The following ENOX1 variants were observed in gnomAD, a reference collection of about 807,000 sequenced individuals.
The protein encoded by ENOX1 is ecto-NOX disulfide-thiol exchanger 1.
Under a neutral mutation model 82.5 loss-of-function variants are expected in ENOX1, and 42 were observed. The observed-to-expected ratio is 0.51, with a 90% CI of 0.40 to 0.66. The LOEUF (loss-of-function observed/expected upper bound fraction) is 0.66, where lower values mean the gene tolerates loss of function less well. ENOX1 is among the 30% of genes least tolerant of loss of function. The pLI, the probability that ENOX1 is intolerant of heterozygous loss-of-function variation, is 0.00. For synonymous variants in ENOX1, 271 were observed against 282.2 expected (o/e 0.96, Z 0.40); for missense variants, 608 against 811.6 (o/e 0.75, Z 3.05).
chr13:43,415,336 G>A (rs914825003), intron 3 of ENOX1, among the ~76,000 whole-genome samples: 8 of 149,452 alleles, frequency 5.4e-5, no homozygotes, highest in Non-Finnish European at 1.2e-4. Context: ...TGGAGAGAAG[G>A]TCAGCAGATA....
Position 43,282,299 on chromosome 13 carries a change from T to C in ENOX1, c.1447-12722A>G, listed in dbSNP as rs923874313. On this transcript the variant is annotated intron_variant, in intron 12 of 16. Coordinates refer to ENST00000690772, the MANE Select transcript of ENOX1 (RefSeq NM_001347969.2). ...TAAAGGAATTATAAATCTTTGTTTA[T>C]AACTGAGCCTGGCCTATAATTTTTT... Among the ~76,000 whole-genome samples, 2 of 152,172 alleles carry C rather than the reference T, an allele frequency of 1.3e-5. 1 individual carries two copies. Among genetic ancestry groups the C allele is most frequent in the Non-Finnish European group, 2.9e-5 (2 of 68,014 alleles).
At chr13:43,567,095 T>C (rs189636142) in intron 2 of ENOX1, among the ~76,000 whole-genome samples, 307 of 152,278 alleles carry the variant, frequency 2.0e-3, no homozygotes, top group African/African-American at 7.1e-3. Flanking sequence ...AATTACTGAT[T>C]GGTCTCTCCA....
At chr13:43,370,263 A>G (rs879291059) in intron 5 of ENOX1, among the ~76,000 whole-genome samples, 5 of 151,966 alleles carry the variant, frequency 3.3e-5, no homozygotes, top group East Asian at 1.9e-4. Flanking sequence ...GCTACTCGGG[A>G]GGCTGAGGCA....
intron 11 of ENOX1, among the ~76,000 whole-genome samples, chr13:43,318,483 C>A (rs536128490): frequency 1.6e-4 from 25 of 152,314 alleles, no homozygotes; most frequent in Middle Eastern, 3.4e-3. Context: ...GGTTAAAGCT[C>A]TCTGGGCCAT....
chr13:43,685,483 T>G (rs78549285), intron 1 of ENOX1, among the ~76,000 whole-genome samples: 1 of 152,084 alleles, frequency 6.6e-6, no homozygotes, highest in Admixed American at 6.6e-5. Context: ...AAGTAGGTCC[T>G]CCAGCCTCTG....
chr13:43,530,488 A>T (rs2078164167), intron 2 of ENOX1, among the ~76,000 whole-genome samples: 1 of 152,134 alleles, frequency 6.6e-6, no homozygotes, highest in Non-Finnish European at 1.5e-5. Context: ...GGTTTAGCAG[A>T]ATGCCAACAA....
At chr13:43,310,502 G>A (rs1159412474) in intron 11 of ENOX1, among the ~76,000 whole-genome samples, 2 of 152,138 alleles carry the variant, frequency 1.3e-5, no homozygotes, top group Admixed American at 6.5e-5. Flanking sequence ...CAGCTGTCTT[G>A]TTACTAGCTT....
At chr13:43,426,610 A>G (rs965003477) in intron 3 of ENOX1, among the ~76,000 whole-genome samples, 13 of 152,222 alleles carry the variant, frequency 8.5e-5, no homozygotes, top group African/African-American at 2.4e-4. Flanking sequence ...AAAAATAACA[A>G]CTTAAGAAAA....
intron 2 of ENOX1, among the ~76,000 whole-genome samples, chr13:43,538,180 A>G (rs2078550133): frequency 6.6e-6 from 1 of 152,234 alleles, no homozygotes; most frequent in Admixed American, 6.5e-5. Context: ...GGTAATGCCT[A>G]ACTTAACATC....
intron 3 of ENOX1, among the ~76,000 whole-genome samples, chr13:43,471,344 G>A (rs1349665159): frequency 6.6e-6 from 1 of 152,042 alleles, no homozygotes; most frequent in Non-Finnish European, 1.5e-5. Flanking sequence ...GGGTGCAACA[G>A]GCAGATACAT....
chr13:43,467,044 G>A (rs749819788), intron 3 of ENOX1, among the ~76,000 whole-genome samples: 3 of 152,104 alleles, frequency 2.0e-5, no homozygotes, highest in Non-Finnish European at 2.9e-5. Flanking sequence ...GGCTATTTGG[G>A]TTGTCTATTA....
At chr13:43,301,617 C>T (rs545943144) in intron 11 of ENOX1, among the ~76,000 whole-genome samples, 5 of 151,316 alleles carry the variant, frequency 3.3e-5, no homozygotes, top group Non-Finnish European at 7.4e-5. Flanking sequence ...ATAGCAAATT[C>T]CATCAACATT....
At chr13:43,681,007 G>A (rs965181992) in intron 1 of ENOX1, among the ~76,000 whole-genome samples, 1 of 152,058 alleles carries the variant, frequency 6.6e-6, no homozygotes, top group Non-Finnish European at 1.5e-5. Flanking sequence ...CAAACAGGAG[G>A]TGCATTTCTG....
chr13:43,321,504 T>C (rs2047807424), intron 11 of ENOX1, among the ~76,000 whole-genome samples: 1 of 152,242 alleles, frequency 6.6e-6, no homozygotes, highest in South Asian at 2.1e-4. Context: ...CTGATCCTTT[T>C]AGAATCTTGA....
At chr13:43,763,368 C>T (rs1331279173) in intron 1 of ENOX1, among the ~76,000 whole-genome samples, 4 of 152,134 alleles carry the variant, frequency 2.6e-5, no homozygotes, top group Non-Finnish European at 5.9e-5. Flanking sequence ...CAAGGGAGTG[C>T]TCCTGGCTCT....
chr13:43,688,323 C>T (rs77550665), intron 1 of ENOX1, among the ~76,000 whole-genome samples: 7,597 of 152,164 alleles, frequency 0.05, 182 homozygotes, highest in African/African-American at 0.066. Flanking sequence ...GATGCTATTT[C>T]AGTAGTCCAG....
intron 2 of ENOX1, among the ~76,000 whole-genome samples, chr13:43,511,572 T>C (rs750425698): frequency 7.2e-5 from 11 of 152,172 alleles, no homozygotes; most frequent in Non-Finnish European, 1.2e-4. Context: ...TTCTGTGCTA[T>C]GAGCAAGATC....
intron 14 of ENOX1, among the ~76,000 whole-genome samples, chr13:43,248,330 A>G (rs531003442): frequency 1.3e-5 from 2 of 152,104 alleles, no homozygotes; most frequent in South Asian, 4.1e-4. Context: ...CTGGGCCTGG[A>G]GTCAGCTAGA....
chr13:43,264,978 G>C (rs565469654), intron 14 of ENOX1, among the ~76,000 whole-genome samples: 8 of 152,290 alleles, frequency 5.3e-5, no homozygotes, highest in Admixed American at 2.6e-4. Flanking sequence ...CTGAGAGAAG[G>C]GGTTTTCTCT....
Sources: allele counts gnomAD v4.1 joint callset (sites outside exome capture counted in the v4.1 genomes callset), GRCh38; gene constraint gnomAD v4.1.1; transcripts MANE v1.5; gene names NCBI Gene and HGNC (gene_info 2026-07-23, HGNC 2026-07-21).